The following VWC2L variants were observed in gnomAD, a reference collection of about 807,000 sequenced individuals.
VWC2L encodes the protein von Willebrand factor C domain containing 2 like.
In VWC2L, 10 loss-of-function variants were observed where a neutral mutation model predicts 21.6. The observed-to-expected ratio is 0.46, with a 90% CI of 0.29 to 0.78. The LOEUF (loss-of-function observed/expected upper bound fraction) is 0.78, where lower values mean the gene tolerates loss of function less well. VWC2L is among the 30% of genes least tolerant of loss of function. The pLI is 0.10. For missense variants in VWC2L, 209 were observed against 277.1 expected (o/e 0.75, Z 1.74); for synonymous variants, 96 against 94.3 (o/e 1.02, Z -0.10).
intron 2 of VWC2L, among the ~76,000 whole-genome samples, chr2:214,431,386 T>G (rs1287965251): frequency 1.3e-5 from 2 of 152,134 alleles, no homozygotes; most frequent in Non-Finnish European, 2.9e-5. Flanking sequence ...TTAAGGGGAG[T>G]TTTTTGAAAA....
intron 3 of VWC2L, among the ~76,000 whole-genome samples, chr2:214,480,606 C>T (rs1176850820): frequency 6.6e-6 from 1 of 152,082 alleles, no homozygotes; most frequent in Non-Finnish European, 1.5e-5. Context: ...GGGACCCAGG[C>T]TCCTTTCATC....
At chr2:214,570,970 G>A (rs1690141146) in intron 3 of VWC2L, among the ~76,000 whole-genome samples, 1 of 152,172 alleles carries the variant, frequency 6.6e-6, no homozygotes, top group Non-Finnish European at 1.5e-5. Flanking sequence ...CAAAAGGGAA[G>A]TCTAACTGCC....
intron 3 of VWC2L, among the ~76,000 whole-genome samples, chr2:214,521,138 T>G (rs1689233186): frequency 6.6e-6 from 1 of 151,686 alleles, no homozygotes; most frequent in African/African-American, 2.4e-5. Flanking sequence ...GGCAGGAGAA[T>G]GGTGTGAACC....
intron 3 of VWC2L, among the ~76,000 whole-genome samples, chr2:214,502,616 T>C (rs76667571): frequency 0.038 from 5,844 of 152,272 alleles, 165 homozygotes; most frequent in Non-Finnish European, 0.058. Flanking sequence ...AGTTTGCTGC[T>C]AGTTGCCTTT....
chr2:214,435,286 A>G (rs1002270077), intron 2 of VWC2L, among the ~76,000 whole-genome samples: 1 of 152,198 alleles, frequency 6.6e-6, no homozygotes, highest in Non-Finnish European at 1.5e-5. Context: ...ATGTTTAAAC[A>G]CAACTCACCA....
intron 3 of VWC2L, among the ~76,000 whole-genome samples, chr2:214,496,315 A>G (rs1256559136): frequency 1.4e-4 from 19 of 137,040 alleles, no homozygotes. Context: ...GTATATTTGA[A>G]AAGAAAGATG....
rs558394865 is a variant in VWC2L, at chr2:214,457,757, T to G, written c.520+20999T>G. On this transcript the variant is annotated intron_variant, in intron 3 of 3. Coordinates refer to ENST00000312504, the MANE Select transcript of VWC2L (RefSeq NM_001080500.4). ...GATCACAATCATTCTTTTGATATGA[T>G]GTATCACATTTATGCATTTGGTTAT... Among the ~76,000 whole-genome samples, 31 of 152,276 alleles carry G rather than the reference T, an allele frequency of 2.0e-4. No homozygotes were observed. In the South Asian group the frequency reaches 6.0e-3, roughly 29 times the overall value.
At chr2:214,459,036 A>T (rs1205829726) in intron 3 of VWC2L, among the ~76,000 whole-genome samples, 1 of 151,992 alleles carries the variant, frequency 6.6e-6, no homozygotes, top group East Asian at 1.9e-4. Context: ...CAATTATTGC[A>T]TTGGGGTGTA....
intron 3 of VWC2L, among the ~76,000 whole-genome samples, chr2:214,538,285 A>C (rs557266439): frequency 6.6e-5 from 10 of 152,070 alleles, no homozygotes; most frequent in Non-Finnish European, 1.5e-4. Context: ...CACTGAATAG[A>C]CATGTACATA....
In VWC2L at chr2:214,414,495, A is replaced by G. The variant is rs1702325393; in HGVS notation, c.302A>G (p.Glu101Gly). ...PKIHPKCTKV[E>G]HNGCCPECKE... ...ATTCACCCAAAGTGTACTAAAGTGG[A>G]ACACAATGGATGCTGTCCTGAGTGC... Residue 101 changes from glutamate (E) to glycine (G), a missense_variant, in exon 2 of 4, where the codon GAA (glutamate) becomes GGA (glycine). Physicochemically the swap from Glu to Gly is moderately conservative, Grantham distance 98. Transcript: ENST00000312504. 3 of 1,613,570 alleles carry G rather than the reference A, an allele frequency of 1.9e-6. No homozygotes were observed. The highest frequency in any genetic ancestry group is 2.5e-6 in the Non-Finnish European group (3 of 1,179,688).
rs1385163082 is a variant in VWC2L, at chr2:214,479,273, A to G, written c.520+42515A>G. Among the ~76,000 whole-genome samples, 3 of 152,172 alleles carry G rather than the reference A, an allele frequency of 2.0e-5. No homozygotes were observed. The East Asian group carries it at 5.8e-4, about 29-fold the overall frequency. On this transcript the variant is annotated intron_variant, in intron 3 of 3. Transcript: ENST00000312504. ...CAGGTATATTCATGGTAAATGGACA[A>G]TCCTTTCCATAAAAATATCTTATTT...
chr2:214,494,775 G>A (rs1688789260), intron 3 of VWC2L, among the ~76,000 whole-genome samples: 1 of 144,018 alleles, frequency 6.9e-6, no homozygotes, highest in Non-Finnish European at 1.5e-5. Flanking sequence ...ATAGCACTAG[G>A]TACTTTTTTT....
chr2:214,469,454 G>A (rs963176667), intron 3 of VWC2L, among the ~76,000 whole-genome samples: 7 of 152,144 alleles, frequency 4.6e-5, no homozygotes, highest in Non-Finnish European at 7.4e-5. Context: ...AAAAAGCCGC[G>A]TGTGGTGGCG....
chr2:214,551,968 C>T (rs927735159), intron 3 of VWC2L, among the ~76,000 whole-genome samples: 3 of 152,228 alleles, frequency 2.0e-5, no homozygotes, highest in Non-Finnish European at 4.4e-5. Flanking sequence ...CATCAAGAAA[C>T]TTACCTGTCC....
intron 3 of VWC2L, among the ~76,000 whole-genome samples, chr2:214,521,080 C>G (rs958734242): frequency 3.3e-4 from 50 of 151,716 alleles, no homozygotes; most frequent in African/African-American, 1.2e-3. Flanking sequence ...AAAAAATTAG[C>G]CCGGTGTGGT....
intron 3 of VWC2L, among the ~76,000 whole-genome samples, chr2:214,561,581 C>T (rs1689971458): frequency 6.6e-6 from 1 of 151,784 alleles, no homozygotes; most frequent in Non-Finnish European, 1.5e-5. Flanking sequence ...TTCATGTTGC[C>T]TGAGCAACAT....
rs539328086 is a variant in VWC2L at position 214,538,977 on chromosome 2, A to G, written c.521-36695A>G. 9.1e-4 allele frequency among the ~76,000 whole-genome samples: 139 copies of G among 152,256 alleles called. 1 individual carries two copies. The highest frequency in any genetic ancestry group is 3.4e-3 in the Middle Eastern group (1 of 294). ...AACCCTCATAATTTCTAAAATGAGC[A>G]CTTTTAAATTGCATCTATAGATCTT... On this transcript the variant is annotated intron_variant, in intron 3 of 3. Transcript: ENST00000312504.
chr2:214,423,778 T>G (rs1702477370), intron 2 of VWC2L, among the ~76,000 whole-genome samples: 3 of 152,082 alleles, frequency 2.0e-5, no homozygotes, highest in Non-Finnish European at 4.4e-5. Context: ...CAAAATAAAA[T>G]TAAAATATAT....
intron 3 of VWC2L, among the ~76,000 whole-genome samples, chr2:214,555,527 C>T (rs1559329567): frequency 6.6e-6 from 1 of 152,094 alleles, no homozygotes; most frequent in Non-Finnish European, 1.5e-5. Flanking sequence ...ACATATGAAA[C>T]CATTAATACA....
Sources: gnomAD v4.1 joint callset for allele counts (sites outside exome capture counted in the v4.1 genomes callset) on GRCh38, gnomAD v4.1.1 for gene constraint, MANE v1.5 for transcripts, NCBI Gene and HGNC (gene_info 2026-07-23, HGNC 2026-07-21) for gene names.